The following CABLES1 variants were observed in gnomAD, a reference collection of about 807,000 sequenced individuals.
CABLES1 encodes Cdk5 and Abl enzyme substrate 1.
Under a neutral mutation model 57.8 loss-of-function variants are expected in CABLES1, and 36 were observed. That is an observed-to-expected ratio of 0.62 (90% CI 0.48 to 0.82). The LOEUF (loss-of-function observed/expected upper bound fraction) is 0.82, where lower values mean the gene tolerates loss of function less well. Ranked by LOEUF, CABLES1 falls within the 40% of genes least tolerant of loss-of-function variation. The pLI is 0.00. For synonymous variants in CABLES1, 374 were observed against 363.0 expected (o/e 1.03, Z -0.35); for missense variants, 767 against 836.6 (o/e 0.92, Z 1.03).
At chr18:23,148,980 C>G (rs1183981176) in intron 1 of CABLES1, among the ~76,000 whole-genome samples, 1 of 152,018 alleles carries the variant, frequency 6.6e-6, no homozygotes, top group Non-Finnish European at 1.5e-5. Context: ...ACCTCTGCCT[C>G]CCAGGTTCAA....
At chr18:23,201,430 A>G (rs952292083) in intron 3 of CABLES1, among the ~76,000 whole-genome samples, 1 of 152,216 alleles carries the variant, frequency 6.6e-6, no homozygotes, top group Non-Finnish European at 1.5e-5. Context: ...GTCCCCCAGC[A>G]GTGGACTTTG....
chr18:23,232,874 T>G (rs892782570), intron 4 of CABLES1, among the ~76,000 whole-genome samples: 4 of 151,300 alleles, frequency 2.6e-5, no homozygotes, highest in Non-Finnish European at 1.5e-5. Flanking sequence ...AGCATCCCTG[T>G]TTTTTTTTCT....
chr18:23,157,595 A>G (rs1182609798), intron 1 of CABLES1, among the ~76,000 whole-genome samples: 1 of 152,222 alleles, frequency 6.6e-6, no homozygotes, highest in Non-Finnish European at 1.5e-5. Flanking sequence ...CTGGCAAGAT[A>G]GGAAGAGTGC....
At chr18:23,254,222 A>G (rs1207765257) in intron 9 of CABLES1, among the ~76,000 whole-genome samples, 3 of 152,246 alleles carry the variant, frequency 2.0e-5, no homozygotes, top group African/African-American at 7.2e-5. Context: ...CATAGAAGCC[A>G]CTGTACCTGC....
intron 1 of CABLES1, among the ~76,000 whole-genome samples, chr18:23,153,140 G>T (rs1282494984): frequency 6.6e-5 from 10 of 151,632 alleles, no homozygotes; most frequent in Admixed American, 5.9e-4. Flanking sequence ...TTCCCTCCCA[G>T]GCTGGAGTGT....
chr18:23,151,466 G>A (rs1309454828), intron 1 of CABLES1, among the ~76,000 whole-genome samples: 1 of 152,212 alleles, frequency 6.6e-6, no homozygotes, highest in East Asian at 1.9e-4. Flanking sequence ...GATGGTGAAG[G>A]GTGGGTGGAT....
chr18:23,154,956 A>G (rs768564763), intron 1 of CABLES1, among the ~76,000 whole-genome samples: 7 of 152,216 alleles, frequency 4.6e-5, no homozygotes, highest in African/African-American at 1.2e-4. Context: ...GGAAGCTGCT[A>G]TGTGTGTACA....
At chr18:23,215,462 G>A (rs1182119656) in intron 4 of CABLES1, among the ~76,000 whole-genome samples, 2 of 152,218 alleles carry the variant, frequency 1.3e-5, no homozygotes, top group Non-Finnish European at 2.9e-5. Flanking sequence ...CACCTCCAGG[G>A]TGTCTGTATT....
At chr18:23,252,191 G>A (rs985100758) in intron 7 of CABLES1, among the ~76,000 whole-genome samples, 1 of 152,182 alleles carries the variant, frequency 6.6e-6, no homozygotes, top group Admixed American at 6.5e-5. Flanking sequence ...ATAAAGTGGA[G>A]TAGTGGTTGC....
chr18:23,159,944 C>G (rs759069898), intron 1 of CABLES1, among the ~76,000 whole-genome samples: 1 of 150,726 alleles, frequency 6.6e-6, no homozygotes, highest in Non-Finnish European at 1.5e-5. Flanking sequence ...CTTGTCTCTC[C>G]GAAGAATCAT....
intron 1 of CABLES1, among the ~76,000 whole-genome samples, chr18:23,146,831 C>T (rs1015621635): frequency 1.3e-4 from 20 of 152,086 alleles, no homozygotes; most frequent in African/African-American, 4.3e-4. Context: ...AAAACTCTAT[C>T]GTAGCTGTAC....
At chr18:23,196,808 T>G (rs2047286494) in intron 3 of CABLES1, 1 of 150,666 alleles carries the variant, frequency 6.6e-6, no homozygotes, top group African/African-American at 2.4e-5. Context: ...CCTCCCTGCT[T>G]GCGCAGCCTC....
At chr18:23,207,504 G>A (rs903886876) in intron 3 of CABLES1, among the ~76,000 whole-genome samples, 3 of 152,082 alleles carry the variant, frequency 2.0e-5, no homozygotes, top group African/African-American at 7.2e-5. Flanking sequence ...CTTTAGGCTG[G>A]GTTATTCTTC....
intron 5 of CABLES1, among the ~76,000 whole-genome samples, chr18:23,235,580 T>C (rs1358682215): frequency 2.6e-5 from 4 of 152,184 alleles, no homozygotes; most frequent in African/African-American, 9.7e-5. Context: ...GCGTGTGCCT[T>C]GTGGATTACA....
At chr18:23,134,576 TA>T (rs1411619959), upstream of CABLES1, 9 of 151,786 alleles carry the variant, frequency 5.9e-5, no homozygotes. Flanking sequence ...GCTTATGAGA[TA>T]AACGACAGGG....
intron 4 of CABLES1, among the ~76,000 whole-genome samples, chr18:23,221,180 A>G (rs1364666110): frequency 2.0e-5 from 3 of 152,258 alleles, no homozygotes; most frequent in African/African-American, 7.2e-5. Flanking sequence ...TCCTTATCAC[A>G]GTACCAGGCA....
chr18:23,184,313 GT>G (rs2047187292), intron 1 of CABLES1, among the ~76,000 whole-genome samples: 1 of 128,792 alleles, frequency 7.8e-6, no homozygotes, highest in Admixed American at 1.1e-4. Flanking sequence ...TGGCACGTGT[GT>G]GTGTGTGTGT....
At chr18:23,183,531 G>A (rs113177533) in intron 1 of CABLES1, among the ~76,000 whole-genome samples, 100 of 152,354 alleles carry the variant, frequency 6.6e-4, no homozygotes, top group African/African-American at 2.3e-3. Context: ...TTACGCATGA[G>A]CATTAAGCAT....
intron 2 of CABLES1, 175 bp downstream of exon 2, chr18:23,189,084 AAAC>A: frequency 1.8e-6 from 1 of 556,722 alleles, no homozygotes; most frequent in Non-Finnish European, 3.2e-6. Flanking sequence ...CACTAGAACT[AAAC>A]AACGTTAAAT....
Sources: gnomAD v4.1 joint callset for allele counts (sites outside exome capture counted in the v4.1 genomes callset) on GRCh38, gnomAD v4.1.1 for gene constraint, MANE v1.5 for transcripts, NCBI Gene and HGNC (gene_info 2026-07-23, HGNC 2026-07-21) for gene names.